PEMT: variants seen among roughly 807,000 people sequenced by gnomAD.
The protein encoded by PEMT is phospholipid methyltransferase.
PEMT carries 23 observed loss-of-function variants against 27.4 expected under a neutral mutation model. That is an observed-to-expected ratio of 0.84 (90% CI 0.60 to 1.19). PEMT has a LOEUF of 1.19. PEMT is among the 50% of genes most tolerant of loss of function. PEMT has a pLI of 0.00. For synonymous variants in PEMT, 137 were observed against 139.1 expected (o/e 0.98, Z 0.11); for missense variants, 307 against 310.1 (o/e 0.99, Z 0.07).
intron 2 of PEMT, among the ~76,000 whole-genome samples, chr17:17,575,350 C>G (rs1406420418): frequency 6.6e-6 from 1 of 152,256 alleles, no homozygotes; most frequent in African/African-American, 2.4e-5. Flanking sequence ...AGCTCCTTGA[C>G]TTCATCACGT....
Position 17,520,055 on chromosome 17 carries a change from C to T in PEMT, c.320+2225G>A, listed in dbSNP as rs572907899. Among the ~76,000 whole-genome samples, 9 of 152,324 alleles carry T rather than the reference C, an allele frequency of 5.9e-5. 1 individual carries two copies. In the South Asian group the frequency reaches 1.9e-3, roughly 32 times the overall value. ...AGCGTGCCAGCCCTGGGCTGAGTCT[C>T]AACCCTCTGCAGCCCTCCACCTGTC... is the stretch of plus-strand genomic sequence containing the variant. On this transcript the variant is annotated intron_variant, in intron 3 of 6. Coordinates refer to ENST00000255389, the MANE Select transcript of PEMT (RefSeq NM_148172.3).
chr17:17,515,625 G>C (rs1906768704), intron 3 of PEMT, among the ~76,000 whole-genome samples: 1 of 152,102 alleles, frequency 6.6e-6, no homozygotes, highest in East Asian at 1.9e-4. Context: ...TAGATTCCAG[G>C]TTTACTGGAA....
intron 2 of PEMT, among the ~76,000 whole-genome samples, chr17:17,542,534 G>A (rs910652381): frequency 2.0e-5 from 3 of 152,198 alleles, no homozygotes; most frequent in Non-Finnish European, 4.4e-5. Context: ...GGGGAGAGCA[G>A]GCTGAACCAT....
intron 2 of PEMT, among the ~76,000 whole-genome samples, chr17:17,571,517 C>G (rs1911190791): frequency 6.6e-6 from 1 of 152,014 alleles, no homozygotes; most frequent in African/African-American, 2.4e-5. Flanking sequence ...ACCTAGGAAG[C>G]CTGGGAGGGA....
intron 1 of PEMT, among the ~76,000 whole-genome samples, chr17:17,591,072 G>A (rs1433159273): frequency 6.6e-6 from 1 of 152,128 alleles, no homozygotes; most frequent in Non-Finnish European, 1.5e-5. Flanking sequence ...ACGGGAGCAG[G>A]GGCCACACAA....
At chr17:17,591,894 A>C (rs1912609004), upstream of PEMT, 1 of 985,480 alleles carries the variant, frequency 1.0e-6, no homozygotes, top group Non-Finnish European at 1.2e-6. Context: ...GCTACGTAGC[A>C]GTATCCCCTT....
At chr17:17,591,723 C>G (rs548319269), upstream of PEMT, 39 of 1,491,966 alleles carry the variant, frequency 2.6e-5, no homozygotes, top group South Asian at 4.5e-4. Context: ...CCAGTCGGGG[C>G]GCTTTCCCGG....
chr17:17,510,570 G>T (rs1906290560), intron 4 of PEMT, among the ~76,000 whole-genome samples: 4 of 152,210 alleles, frequency 2.6e-5, no homozygotes, highest in Admixed American at 2.0e-4. Context: ...GAAGCAGGAA[G>T]TGGGGCACAG....
intron 2 of PEMT, among the ~76,000 whole-genome samples, chr17:17,527,888 C>T (rs1243940180): frequency 6.6e-6 from 1 of 152,230 alleles, no homozygotes; most frequent in African/African-American, 2.4e-5. Context: ...AGCTCCTCCT[C>T]TCTCACCTTG....
At chr17:17,580,557 G>C (rs1911915092) in intron 1 of PEMT, among the ~76,000 whole-genome samples, 1 of 152,164 alleles carries the variant, frequency 6.6e-6, no homozygotes, top group Admixed American at 6.5e-5. Context: ...AGGGTGGAAA[G>C]CTGGCTCAGG....
intron 2 of PEMT, among the ~76,000 whole-genome samples, chr17:17,532,635 C>T (rs918682539): frequency 6.6e-6 from 1 of 152,198 alleles, no homozygotes; most frequent in East Asian, 1.9e-4. Flanking sequence ...TCTCAGCTGG[C>T]TTCTTTGTAA....
At chr17:17,537,072 T>C (rs1908527432) in intron 2 of PEMT, among the ~76,000 whole-genome samples, 1 of 152,206 alleles carries the variant, frequency 6.6e-6, no homozygotes, top group Non-Finnish European at 1.5e-5. Flanking sequence ...CGGGTCCCAC[T>C]GGAGATTTCA....
In PEMT at chr17:17,513,778, G is replaced by T. The variant is rs565096215; in HGVS notation, c.321-1124C>A. Among the ~76,000 whole-genome samples, 71 of 152,058 alleles carry T rather than the reference G, an allele frequency of 4.7e-4. No homozygotes were observed. The highest frequency in any genetic ancestry group is 1.6e-3 in the African/African-American group (66 of 41,438). On this transcript the variant is annotated intron_variant, in intron 3 of 6. Transcript: ENST00000255389. This position sits in a 1 kb window ranked among gnomAD's most constrained non-coding sequence, Gnocchi z 4.1. ...GGGAGCGGGCGCTGGTGGGAAGGGG[G>T]CCCTGGGTGCTAGATGAGAGGCACA...
chr17:17,505,785 G>A lies in PEMT; in HGVS notation c.*6C>T. 1 of 1,608,500 alleles carries A rather than the reference G, an allele frequency of 6.2e-7. No homozygotes were observed. Among genetic ancestry groups the A allele is most frequent in the Non-Finnish European group, 8.5e-7 (1 of 1,177,048 alleles). ...CCAGGCCTTCAGCAAAGCTGTTGCA[G>A]CTCAATCAGCTCCTCTTGTGGGACC... On this transcript the variant is annotated 3_prime_UTR_variant, in exon 7 of 7. Transcript: ENST00000255389.
chr17:17,534,201 A>G (rs1908299950), intron 2 of PEMT, among the ~76,000 whole-genome samples: 1 of 152,238 alleles, frequency 6.6e-6, no homozygotes, highest in Non-Finnish European at 1.5e-5. Flanking sequence ...CCAAATGTCC[A>G]TCAACCAGTG....
At position 17,523,047 on chromosome 17, in the gene PEMT, C is replaced by T. The variant is rs964859353; in HGVS notation, c.205-652G>A. Among the ~76,000 whole-genome samples, 22 of 152,266 alleles carry T rather than the reference C, an allele frequency of 1.4e-4. No homozygotes were observed. Among genetic ancestry groups the T allele is most frequent in the Admixed American group, 9.8e-4 (15 of 15,296 alleles). ...TGGAATCTCAACATCTGGCCACCAA[C>T]GGTGGAGAGAAGGGAGCTCTTCCTG... On this transcript the variant is annotated intron_variant, in intron 2 of 6. Transcript: ENST00000255389. The surrounding 1 kb of genome is among the most constrained non-coding windows in gnomAD (Gnocchi z 4.8).
intron 1 of PEMT, among the ~76,000 whole-genome samples, chr17:17,589,908 G>A (rs1388428316): frequency 6.6e-6 from 1 of 152,196 alleles, no homozygotes; most frequent in Admixed American, 6.5e-5. Context: ...CAGCTGCACA[G>A]CCCTGGGGAG....
At chr17:17,570,380 G>T (rs1019497891) in intron 2 of PEMT, 1 of 369,566 alleles carries the variant, frequency 2.7e-6, no homozygotes, top group Non-Finnish European at 3.8e-6. Flanking sequence ...TGGCCCTCAA[G>T]GGACATCAGG....
chr17:17,544,374 G>A (rs1597912185), intron 2 of PEMT, among the ~76,000 whole-genome samples: 1 of 150,334 alleles, frequency 6.7e-6, no homozygotes, highest in East Asian at 2.0e-4. Context: ...TCCACCTCCC[G>A]GGTTCAAGCG....
Sources: gnomAD v4.1 joint callset for allele counts (sites outside exome capture counted in the v4.1 genomes callset) on GRCh38, gnomAD v4.1.1 for gene constraint, Gnocchi (gnomAD v3.1) non-coding constraint, MANE v1.5 for transcripts, NCBI Gene and HGNC (gene_info 2026-07-23, HGNC 2026-07-21) for gene names.